The following PPP2R2B variants were observed in gnomAD, a reference collection of about 807,000 sequenced individuals.
PPP2R2B encodes serine/threonine-protein phosphatase 2A 55 kDa regulatory subunit B beta isoform.
Under a neutral mutation model 46.0 loss-of-function variants are expected in PPP2R2B, and 5 were observed. The observed-to-expected ratio is 0.11, with a 90% confidence interval of 0.06 to 0.23. PPP2R2B has a LOEUF of 0.23. PPP2R2B is among the 10% of genes least tolerant of loss of function. The pLI, the probability that PPP2R2B is intolerant of heterozygous loss-of-function variation, is 1.00. For missense variants in PPP2R2B, 367 were observed against 575.0 expected (o/e 0.64, Z 3.70); for synonymous variants, 215 against 206.7 (o/e 1.04, Z -0.34).
intron 1 of PPP2R2B, among the ~76,000 whole-genome samples, chr5:146,977,406 G>A (rs562552276): frequency 5.9e-5 from 9 of 151,760 alleles, no homozygotes; most frequent in South Asian, 2.1e-4. Context: ...TTTAAGTTCC[G>A]GGATACATGT....
At chr5:146,718,815 TGAG>T (rs1304648699) in intron 2 of PPP2R2B, among the ~76,000 whole-genome samples, 2 of 152,178 alleles carry the variant, frequency 1.3e-5, no homozygotes, top group Non-Finnish European at 2.9e-5. Context: ...GCCCGATCCC[TGAG>T]AAGGGATTTC....
At chr5:147,032,788 T>C (rs1309093394) in intron 1 of PPP2R2B, among the ~76,000 whole-genome samples, 1 of 152,252 alleles carries the variant, frequency 6.6e-6, no homozygotes, top group Non-Finnish European at 1.5e-5. Flanking sequence ...TTCCACAATT[T>C]TGCTATTGTA....
chr5:146,689,557 T>C (rs1385745347), intron 5 of PPP2R2B, among the ~76,000 whole-genome samples: 1 of 152,252 alleles, frequency 6.6e-6, no homozygotes, highest in Non-Finnish European at 1.5e-5. Context: ...CTCTATGATG[T>C]TTTCACAACA....
chr5:146,938,242 C>A (rs568330038), intron 1 of PPP2R2B, among the ~76,000 whole-genome samples: 120 of 152,228 alleles, frequency 7.9e-4, no homozygotes, highest in African/African-American at 2.8e-3. Context: ...GCAAGATGTA[C>A]TCTGATTTCA....
chr5:147,076,682 G>A lies in PPP2R2B; in HGVS notation c.50+4377C>T, dbSNP rs375255425. On this transcript the variant is annotated intron_variant, in intron 2 of 10. Coordinates refer to the PPP2R2B transcript ENST00000394413. Reference sequence around the variant, plus strand: ...GATATTCCTACCTCTTTGGTAGTCTGAGCATTGTAGTCTTTAGCCTAAGCA... The same window carrying A: ...GATATTCCTACCTCTTTGGTAGTCTAAGCATTGTAGTCTTTAGCCTAAGCA... Among the ~76,000 whole-genome samples, 73 of 152,172 alleles carry A rather than the reference G, an allele frequency of 4.8e-4. 2 individuals are homozygous for A. The South Asian group carries it at 0.012, about 24-fold the overall frequency.
intron 2 of PPP2R2B, among the ~76,000 whole-genome samples, chr5:146,815,906 G>A (rs938883176): frequency 2.6e-5 from 4 of 152,096 alleles, no homozygotes; most frequent in South Asian, 2.1e-4. Context: ...GCTCCTAGTC[G>A]TGCCCTTTGA....
At chr5:146,921,702 C>T (rs1261693395) in intron 1 of PPP2R2B, among the ~76,000 whole-genome samples, 3 of 152,160 alleles carry the variant, frequency 2.0e-5, no homozygotes, top group African/African-American at 7.2e-5. Context: ...CAGTTCATCT[C>T]TGCTTCTCTG....
chr5:146,888,588 G>T (rs1351563146), intron 1 of PPP2R2B, among the ~76,000 whole-genome samples: 1 of 152,056 alleles, frequency 6.6e-6, no homozygotes, highest in Non-Finnish European at 1.5e-5. Context: ...TCACTTTTCC[G>T]CTCAAAGGCT....
chr5:147,011,233 C>T (rs907807732), intron 1 of PPP2R2B, among the ~76,000 whole-genome samples: 1 of 152,092 alleles, frequency 6.6e-6, no homozygotes, highest in Non-Finnish European at 1.5e-5. Flanking sequence ...TCATCTACTC[C>T]ATGTCTTTGC....
At chr5:146,681,710 T>C (rs1318412852) in intron 5 of PPP2R2B, among the ~76,000 whole-genome samples, 2 of 152,202 alleles carry the variant, frequency 1.3e-5, no homozygotes, top group Non-Finnish European at 2.9e-5. Flanking sequence ...AGGTTTGGAA[T>C]GGTGACAAGA....
chr5:146,930,528 T>C (rs1406404671), intron 1 of PPP2R2B, among the ~76,000 whole-genome samples: 3 of 152,156 alleles, frequency 2.0e-5, no homozygotes, highest in Non-Finnish European at 1.5e-5. Flanking sequence ...AGAGAGGCAA[T>C]GATCACAGTT....
chr5:146,894,911 G>T (rs1361155443), intron 1 of PPP2R2B, among the ~76,000 whole-genome samples: 1 of 152,172 alleles, frequency 6.6e-6, no homozygotes. Flanking sequence ...TGGGGCCAGG[G>T]CTATACCTTA....
At chr5:146,770,644 G>GT in intron 2 of PPP2R2B, among the ~76,000 whole-genome samples, 1 of 152,250 alleles carries the variant, frequency 6.6e-6, no homozygotes, top group Admixed American at 6.5e-5. Context: ...AGAGAAAAAT[G>GT]TTAAGGGCAA....
chr5:147,003,768 C>A (rs930961355), intron 1 of PPP2R2B, among the ~76,000 whole-genome samples: 4 of 152,016 alleles, frequency 2.6e-5, no homozygotes, highest in Admixed American at 2.6e-4. Context: ...TAGGAAAAAG[C>A]CCATGAATTA....
intron 5 of PPP2R2B, among the ~76,000 whole-genome samples, chr5:146,678,279 C>A (rs904638084): frequency 5.9e-5 from 9 of 151,368 alleles, no homozygotes; most frequent in Non-Finnish European, 1.2e-4. Flanking sequence ...TAAACAGAGC[C>A]AAAGACAAAA....
At chr5:146,643,592 A>G (rs1775372057) in intron 6 of PPP2R2B, among the ~76,000 whole-genome samples, 1 of 152,164 alleles carries the variant, frequency 6.6e-6, no homozygotes, top group African/African-American at 2.4e-5. Flanking sequence ...ACTCAGGGGG[A>G]AAGGGTGGGA....
chr5:146,785,287 C>T (rs1274877743), intron 2 of PPP2R2B, among the ~76,000 whole-genome samples: 1 of 152,168 alleles, frequency 6.6e-6, no homozygotes, highest in Non-Finnish European at 1.5e-5. Context: ...TGTCTCATGC[C>T]TGTAACCCAA....
Position 146,778,594 on chromosome 5 carries a change from A to G in PPP2R2B, c.71-77452T>C, listed in dbSNP as rs551357262. Among the ~76,000 whole-genome samples the G allele has an allele frequency of 4.6e-5, 7 of 152,272 alleles. No individual in the cohort carries two copies. The South Asian group carries it at 1.4e-3, about 32-fold the overall frequency. Reference sequence around the variant, plus strand: ...TGATGGTGCCACAGTACCATCTTTCAGGCATTCAGTCAAAGTCTCCTGAGT... The same window carrying G: ...TGATGGTGCCACAGTACCATCTTTCGGGCATTCAGTCAAAGTCTCCTGAGT... On this transcript the variant is annotated intron_variant, in intron 2 of 9. Transcript: ENST00000394411.
rs1425512167 is a variant in PPP2R2B, at chr5:146,583,448, C to G, written c.*6499G>C. The G allele has an allele frequency of 6.6e-6, 1 of 152,124 alleles. No homozygotes were observed. The highest frequency in any genetic ancestry group is 1.5e-5 in the Non-Finnish European group (1 of 68,034). 9.4% of individuals were successfully genotyped at this position (152,124 alleles called of 1,614,324 possible). A position where few individuals can be genotyped will look rare whatever the true frequency, so the allele number is the denominator to read the frequency against. ...TTATCTCATAATGAGAAAATCGAGG[C>G]ACAGAGAGGTTGTCATTTTTCTAGG... On this transcript the variant is annotated 3_prime_UTR_variant, in exon 10 of 10. Transcript: ENST00000394411.
Sources: gnomAD v4.1 joint callset for allele counts (sites outside exome capture counted in the v4.1 genomes callset) on GRCh38, gnomAD v4.1.1 for gene constraint, MANE v1.5 for transcripts, NCBI Gene and HGNC (gene_info 2026-07-23, HGNC 2026-07-21) for gene names.